EYA4: variants seen among roughly 807,000 people sequenced by gnomAD.
EYA4 encodes the protein EYA transcriptional coactivator and phosphatase 4.
A neutral mutation model predicts 87.9 loss-of-function variants in EYA4; 31 were observed. The observed-to-expected ratio is 0.35, with a 90% CI of 0.27 to 0.48. The LOEUF is 0.48. EYA4 is among the 20% of genes least tolerant of loss of function. EYA4 has a pLI of 0.99. For synonymous variants in EYA4, 263 were observed against 270.6 expected (o/e 0.97, Z 0.28); for missense variants, 678 against 761.4 (o/e 0.89, Z 1.29).
intron 3 of EYA4, among the ~76,000 whole-genome samples, chr6:133,446,205 A>C (rs959635543): frequency 6.6e-6 from 1 of 152,076 alleles, no homozygotes; most frequent in South Asian, 2.1e-4. Context: ...TCAGTTTAGG[A>C]GGGTGGGTAT....
At chr6:133,244,238 A>G (rs549864055) in intron 1 of EYA4, among the ~76,000 whole-genome samples, 1 of 152,280 alleles carries the variant, frequency 6.6e-6, no homozygotes, top group East Asian at 1.9e-4. Context: ...CATTGTAACT[A>G]CCGGTTGGTT....
chr6:133,460,842 A>G (rs1023176321), intron 6 of EYA4, among the ~76,000 whole-genome samples: 1 of 152,156 alleles, frequency 6.6e-6, no homozygotes, highest in African/African-American at 2.4e-5. Flanking sequence ...TATTCATAGC[A>G]TATTAATATA....
intron 3 of EYA4, among the ~76,000 whole-genome samples, chr6:133,403,959 C>T (rs1048123258): frequency 4.6e-5 from 7 of 152,070 alleles, no homozygotes; most frequent in Admixed American, 1.3e-4. Flanking sequence ...TACAGTTGTG[C>T]GTGTGCCACC....
chr6:133,493,173 A>G (rs1339875021), intron 13 of EYA4, among the ~76,000 whole-genome samples: 1 of 152,206 alleles, frequency 6.6e-6, no homozygotes, highest in Non-Finnish European at 1.5e-5. Context: ...AACTGGAAAA[A>G]TCACATTACC....
intron 12 of EYA4, among the ~76,000 whole-genome samples, 179 bp from the exon 13 acceptor site, chr6:133,482,853 G>A (rs1437978952): frequency 1.3e-5 from 2 of 151,742 alleles, no homozygotes; most frequent in Non-Finnish European, 2.9e-5. Flanking sequence ...TATAATTCCT[G>A]CTCCTCAGGC....
At chr6:133,494,097 C>T (rs1183097902) in intron 13 of EYA4, among the ~76,000 whole-genome samples, 1 of 152,134 alleles carries the variant, frequency 6.6e-6, no homozygotes, top group Non-Finnish European at 1.5e-5. Context: ...GAAAGGAAAT[C>T]AGTATATCAA....
intron 16 of EYA4, among the ~76,000 whole-genome samples, chr6:133,514,483 T>A (rs1030966285): frequency 6.6e-6 from 1 of 152,224 alleles, no homozygotes; most frequent in Non-Finnish European, 1.5e-5. Context: ...CTACTTTCTG[T>A]CATACGTGAG....
chr6:133,255,073 A>G (rs1328424971), intron 1 of EYA4, among the ~76,000 whole-genome samples: 7 of 152,122 alleles, frequency 4.6e-5, no homozygotes, highest in Non-Finnish European at 1.0e-4. Flanking sequence ...TAATAACAGT[A>G]CTCGCCTCAT....
intron 2 of EYA4, among the ~76,000 whole-genome samples, chr6:133,302,798 C>T (rs986135151): frequency 4.6e-5 from 7 of 151,920 alleles, no homozygotes; most frequent in South Asian, 4.2e-4. Flanking sequence ...TTGAAAAGTT[C>T]GTAGAATTTT....
chr6:133,364,601 T>C (rs557073590), intron 2 of EYA4, among the ~76,000 whole-genome samples: 2 of 152,368 alleles, frequency 1.3e-5, no homozygotes, highest in African/African-American at 4.8e-5. Flanking sequence ...ACAGATTTAC[T>C]GCATTTGACT....
chr6:133,530,245 C>T lies in EYA4; in HGVS notation c.*1440C>T. On this transcript the variant is annotated 3_prime_UTR_variant, in exon 20 of 20. Transcript: ENST00000355286. ...CAATGCAGGTTCTCCTCGTAACAGA[C>T]TTGCATATGTTTGTTAGTTTCTGCC... The T allele has an allele frequency of 1.0e-6, 1 of 985,328 alleles. No individual in the cohort carries two copies. Among genetic ancestry groups the T allele is most frequent in the Non-Finnish European group, 1.2e-6 (1 of 829,852 alleles). The allele number at this position is 985,328 out of a possible 1,614,324, so 61.0% of individuals were successfully genotyped here.
chr6:133,371,900 T>C (rs1785294251), intron 2 of EYA4, among the ~76,000 whole-genome samples: 1 of 152,134 alleles, frequency 6.6e-6, no homozygotes, highest in Non-Finnish European at 1.5e-5. Flanking sequence ...GAGGAAGAAA[T>C]TGTGAGTATA....
chr6:133,462,219 A>G, intron 7 of EYA4, 116 bp from the exon 8 acceptor site: 2 of 1,204,814 alleles, frequency 1.7e-6, no homozygotes, highest in Non-Finnish European at 2.5e-6. Context: ...TGTTAAAATT[A>G]TATTGTGGAT....
At chr6:133,511,814 AC>A (rs1799165706) in intron 14 of EYA4, 1 of 152,134 alleles carries the variant, frequency 6.6e-6, no homozygotes, top group South Asian at 2.1e-4. Flanking sequence ...TAGTAAAAAT[AC>A]AAAAAACACA....
intron 2 of EYA4, among the ~76,000 whole-genome samples, chr6:133,305,416 G>A (rs1779731649): frequency 6.6e-6 from 1 of 152,130 alleles, no homozygotes; most frequent in Non-Finnish European, 1.5e-5. Flanking sequence ...GGAATGGAGT[G>A]GTGAGAAGTG....
At chr6:133,315,856 T>C (rs1469086447) in intron 2 of EYA4, among the ~76,000 whole-genome samples, 2 of 152,156 alleles carry the variant, frequency 1.3e-5, no homozygotes, top group Non-Finnish European at 2.9e-5. Flanking sequence ...CTAATAGAAA[T>C]TCATTTTGGA....
intron 6 of EYA4, among the ~76,000 whole-genome samples, chr6:133,460,443 C>T (rs1794280379): frequency 6.6e-6 from 1 of 152,102 alleles, no homozygotes. Context: ...CTCACTTTCA[C>T]CTTTAAGTTC....
chr6:133,315,248 G>A (rs780563915), intron 2 of EYA4, among the ~76,000 whole-genome samples: 3 of 152,128 alleles, frequency 2.0e-5, no homozygotes, highest in Non-Finnish European at 2.9e-5. Context: ...ATTCAGGGCA[G>A]CAACCACAGA....
chr6:133,426,105 A>G (rs920766466), intron 3 of EYA4, among the ~76,000 whole-genome samples: 4 of 150,574 alleles, frequency 2.7e-5, no homozygotes, highest in Admixed American at 2.6e-4. Flanking sequence ...TATCTCCTGC[A>G]TACATGTACA....
Sources: allele counts gnomAD v4.1 joint callset (sites outside exome capture counted in the v4.1 genomes callset), GRCh38; gene constraint gnomAD v4.1.1; transcripts MANE v1.5; gene names NCBI Gene and HGNC (gene_info 2026-07-23, HGNC 2026-07-21).